The following ASIC2 variants were observed in gnomAD, a reference collection of about 807,000 sequenced individuals.
ASIC2 encodes the protein acid-sensing ion channel 2.
Under a neutral mutation model 57.3 loss-of-function variants are expected in ASIC2, and 25 were observed. That is an observed-to-expected ratio of 0.44 (90% CI 0.32 to 0.61). The LOEUF is 0.61. Ranked by LOEUF, ASIC2 falls within the 20% of genes least tolerant of loss-of-function variation. The pLI is 0.06. For synonymous variants in ASIC2, 319 were observed against 307.5 expected (o/e 1.04, Z -0.39); for missense variants, 641 against 738.1 (o/e 0.87, Z 1.52).
intron 1 of ASIC2, among the ~76,000 whole-genome samples, chr17:33,816,982 G>T (rs1327461254): frequency 1.3e-5 from 2 of 152,204 alleles, no homozygotes; most frequent in African/African-American, 4.8e-5. Context: ...TGCCCTCACG[G>T]CTGACTCTGC....
At chr17:33,754,564 G>T (rs1285300598) in intron 1 of ASIC2, among the ~76,000 whole-genome samples, 2 of 152,134 alleles carry the variant, frequency 1.3e-5, no homozygotes, top group African/African-American at 4.8e-5. Context: ...TCATGCTGTT[G>T]TTCCTTCTCA....
intron 1 of ASIC2, among the ~76,000 whole-genome samples, chr17:33,613,961 A>G (rs998276769): frequency 1.3e-5 from 2 of 152,134 alleles, no homozygotes; most frequent in Non-Finnish European, 2.9e-5. Flanking sequence ...CTGTACCTAT[A>G]TTTACAGAGC....
intron 1 of ASIC2, among the ~76,000 whole-genome samples, chr17:33,610,306 T>A (rs1905361143): frequency 6.6e-6 from 1 of 152,088 alleles, no homozygotes; most frequent in African/African-American, 2.4e-5. Context: ...TACAGGTGCA[T>A]GCCACCATGC....
intron 1 of ASIC2, among the ~76,000 whole-genome samples, chr17:33,390,492 A>G (rs956514579): frequency 6.6e-6 from 1 of 152,220 alleles, no homozygotes; most frequent in African/African-American, 2.4e-5. Context: ...ACCATGTATT[A>G]TCTCAGAGTT....
Position 33,655,208 on chromosome 17 carries a change from A to G in ASIC2, c.555+500770T>C, listed in dbSNP as rs561640991. 1.1e-4 allele frequency among the ~76,000 whole-genome samples: 17 copies of G among 152,312 alleles called. No homozygotes were observed. In the South Asian group the frequency reaches 2.9e-3, roughly 26 times the overall value. On this transcript the variant is annotated intron_variant, in intron 1 of 9. Coordinates refer to the ASIC2 transcript ENST00000359872. ...AAGCCCTTCTGCTCTACAGACCTCA[A>G]TTAAGCCTACCTGTAAAACTGGAAT...
chr17:33,040,903 G>T (rs1162610244), intron 3 of ASIC2, among the ~76,000 whole-genome samples: 1 of 152,168 alleles, frequency 6.6e-6, no homozygotes. Context: ...CCTCAGAAAG[G>T]CTTTTGTTAG....
intron 1 of ASIC2, among the ~76,000 whole-genome samples, chr17:33,660,049 A>T (rs1023140507): frequency 6.6e-6 from 1 of 151,930 alleles, no homozygotes; most frequent in African/African-American, 2.4e-5. Context: ...GTGCCACTGC[A>T]CTCCAGCCTG....
chr17:33,933,175 T>G (rs1915982505), intron 1 of ASIC2, among the ~76,000 whole-genome samples: 1 of 152,146 alleles, frequency 6.6e-6, no homozygotes, highest in African/African-American at 2.4e-5. Flanking sequence ...TACTTCTGCC[T>G]AAAACACTCT....
chr17:33,239,814 G>C (rs1368654625), intron 1 of ASIC2, among the ~76,000 whole-genome samples: 1 of 152,194 alleles, frequency 6.6e-6, no homozygotes, highest in Non-Finnish European at 1.5e-5. Flanking sequence ...CACTGTGCTT[G>C]CTCCCTCCAT....
intron 1 of ASIC2, among the ~76,000 whole-genome samples, chr17:34,152,495 C>A (rs1904564809): frequency 6.6e-6 from 1 of 152,090 alleles, no homozygotes; most frequent in Admixed American, 6.5e-5. Flanking sequence ...CTGCTCCAAA[C>A]AGAGAAAGCA....
In ASIC2 at chr17:33,349,108, G is replaced by A. The variant is rs945898182; in HGVS notation, c.556-237041C>T. Among the ~76,000 whole-genome samples the A allele has an allele frequency of 1.2e-3, 186 of 152,342 alleles. 3 individuals carry two copies. The highest frequency in any genetic ancestry group is 8.8e-5 in the Non-Finnish European group (6 of 68,038). On this transcript the variant is annotated intron_variant, in intron 1 of 9. Coordinates refer to the ASIC2 transcript ENST00000359872. ...TTGAGTAGTGAAGACTGGAGAGTCT[G>A]TGGTCTGCTGAAAGGAGCGGCTGCT...
At chr17:34,120,897 C>G (rs1265613859) in intron 1 of ASIC2, among the ~76,000 whole-genome samples, 1 of 150,586 alleles carries the variant, frequency 6.6e-6, no homozygotes, top group African/African-American at 2.5e-5. Flanking sequence ...TGCCACCACG[C>G]CTGGCTAATT....
rs981903070 is a variant in ASIC2, at chr17:33,317,528, A to G, written c.556-205461T>C. Among the ~76,000 whole-genome samples, 4 of 152,234 alleles carry G rather than the reference A, an allele frequency of 2.6e-5. No homozygotes were observed. In the South Asian group the frequency reaches 8.3e-4, roughly 31 times the overall value. Reference sequence around the variant, plus strand: ...TTCATCTAAGGGACACCCAATGAAAATTCCTTCTCCTTTTTACAATTCCTT... The same window carrying G: ...TTCATCTAAGGGACACCCAATGAAAGTTCCTTCTCCTTTTTACAATTCCTT... On this transcript the variant is annotated intron_variant, in intron 1 of 9. Transcript: ENST00000359872.
intron 1 of ASIC2, among the ~76,000 whole-genome samples, chr17:33,670,314 C>A (rs1039471813): frequency 2.6e-5 from 4 of 152,152 alleles, no homozygotes; most frequent in Non-Finnish European, 4.4e-5. Flanking sequence ...CTGCTAGAGG[C>A]CTGCTAAGGT....
intron 1 of ASIC2, among the ~76,000 whole-genome samples, chr17:33,634,348 A>C (rs1396480082): frequency 2.0e-5 from 3 of 152,198 alleles, no homozygotes; most frequent in Non-Finnish European, 2.9e-5. Context: ...AGCTGCAGTG[A>C]ACACAGTTGT....
intron 1 of ASIC2, among the ~76,000 whole-genome samples, chr17:33,571,276 A>G (rs1916429850): frequency 6.6e-6 from 1 of 152,216 alleles, no homozygotes. Context: ...CTGTCTGCAC[A>G]TCATCCTGTC....
intron 1 of ASIC2, chr17:34,006,650 A>G (rs1388450852): frequency 2.0e-5 from 3 of 152,158 alleles, no homozygotes; most frequent in African/African-American, 7.2e-5. Flanking sequence ...GAATCATTAT[A>G]TATATTCATG....
chr17:34,069,111 T>A (rs1909283665), intron 1 of ASIC2, among the ~76,000 whole-genome samples: 1 of 152,128 alleles, frequency 6.6e-6, no homozygotes, highest in Non-Finnish European at 1.5e-5. Flanking sequence ...TGGCTCGAAA[T>A]GAGCCGTGAT....
chr17:34,090,059 A>G (rs1464764725), intron 1 of ASIC2, among the ~76,000 whole-genome samples: 6 of 152,198 alleles, frequency 3.9e-5, no homozygotes, highest in Non-Finnish European at 8.8e-5. Context: ...GAAGCTTCAC[A>G]GCACTAGGCC....
Sources: allele counts gnomAD v4.1 joint callset (sites outside exome capture counted in the v4.1 genomes callset), GRCh38; gene constraint gnomAD v4.1.1; transcripts MANE v1.5; gene names NCBI Gene and HGNC (gene_info 2026-07-23, HGNC 2026-07-21).